OR51B5: variants seen among roughly 807,000 people sequenced by gnomAD.
The protein encoded by OR51B5 is olfactory receptor family 51 subfamily B member 5, also known as olfactory receptor 51B5.
For missense variants in OR51B5, 456 were observed against 374.6 expected, an observed-to-expected ratio of 1.22 and a Z score of -1.79; for synonymous variants, 186 against 144.8, an observed-to-expected ratio of 1.28 and a Z score of -2.04.
intron 1 of OR51B5, among the ~76,000 whole-genome samples, chr11:5,497,877 C>CTTTGACACTCACAGTTCA (rs1851671828): frequency 6.6e-6 from 1 of 152,180 alleles, no homozygotes; most frequent in African/African-American, 2.4e-5. Context: ...TCTCCAGGAG[C>CTTTGACACTCACAGTTCA]ATAGGTATGA....
chr11:5,499,910 C>A (rs1050160825), intron 1 of OR51B5, among the ~76,000 whole-genome samples: 2 of 152,176 alleles, frequency 1.3e-5, no homozygotes, highest in Admixed American at 1.3e-4. Context: ...CTAGGACTCC[C>A]GTGGTCCTGA....
intron 1 of OR51B5, among the ~76,000 whole-genome samples, chr11:5,460,067 A>T (rs1421624530): frequency 6.6e-6 from 1 of 152,234 alleles, no homozygotes; most frequent in East Asian, 1.9e-4. Context: ...AGCCATAAAA[A>T]ATAAGATCAT....
chr11:5,350,065 A>G (rs1346169912), intron 1 of OR51B5, among the ~76,000 whole-genome samples: 1 of 152,242 alleles, frequency 6.6e-6, no homozygotes, highest in East Asian at 1.9e-4. Flanking sequence ...TAATCCTGAC[A>G]TGTACTCACT....
intron 1 of OR51B5, among the ~76,000 whole-genome samples, chr11:5,388,734 T>C (rs1287796263): frequency 2.0e-5 from 3 of 152,018 alleles, no homozygotes; most frequent in Non-Finnish European, 4.4e-5. Context: ...TGCTATATAG[T>C]AGTCAACTGA....
intron 1 of OR51B5, among the ~76,000 whole-genome samples, chr11:5,493,207 T>C (rs1022250668): frequency 9.9e-5 from 15 of 152,162 alleles, no homozygotes; most frequent in African/African-American, 3.4e-4. Context: ...AATGAAGATA[T>C]GTATAATTAG....
intron 1 of OR51B5, among the ~76,000 whole-genome samples, chr11:5,411,087 T>C (rs575274055): frequency 1.3e-5 from 2 of 152,324 alleles, no homozygotes; most frequent in Admixed American, 1.3e-4. Context: ...AAGTCCATAA[T>C]AGCAAACAGT....
intron 1 of OR51B5, among the ~76,000 whole-genome samples, chr11:5,358,849 C>A (rs1849235173): frequency 6.6e-6 from 1 of 152,056 alleles, no homozygotes; most frequent in Non-Finnish European, 1.5e-5. Context: ...ATATGCAAAT[C>A]AATAAATGTA....
At chr11:5,412,742 G>T (rs2133751625) in intron 1 of OR51B5, among the ~76,000 whole-genome samples, 1 of 152,146 alleles carries the variant, frequency 6.6e-6, no homozygotes, top group African/African-American at 2.4e-5. Flanking sequence ...CTGGGGGAGG[G>T]GCACCCGCCA....
At chr11:5,460,533 C>A (rs1438694387) in intron 1 of OR51B5, among the ~76,000 whole-genome samples, 1 of 152,152 alleles carries the variant, frequency 6.6e-6, no homozygotes, top group Non-Finnish European at 1.5e-5. Context: ...TCTTCAGTAT[C>A]TCATTGAGCT....
chr11:5,441,215 C>A, intron 1 of OR51B5: 1 of 1,613,954 alleles, frequency 6.2e-7, no homozygotes, highest in Non-Finnish European at 8.5e-7. Flanking sequence ...ACATCTGGAC[C>A]AGGCAAGCAT....
chr11:5,446,127 A>G (rs1850759184), intron 1 of OR51B5, among the ~76,000 whole-genome samples: 1 of 152,138 alleles, frequency 6.6e-6, no homozygotes, highest in Non-Finnish European at 1.5e-5. Context: ...GAGTGGAGGG[A>G]TAGCATTAGG....
rs747190967 is a variant in OR51B5 at position 5,343,299 on chromosome 11, T to C, written c.226A>G (p.Met76Val). 10 of 1,611,954 alleles carry C rather than the reference T, an allele frequency of 6.2e-6. No homozygotes were observed. The highest frequency in any genetic ancestry group is 3.3e-5 in the South Asian group (3 of 90,676). ...CAGAGGACTCCCAGCACCGTGGGCA[T>C]TGTGGTCAGGGCCAGCCCCAGGTCT... is the stretch of plus-strand genomic sequence containing the variant. Residue 76 changes from methionine to valine, a missense_variant, in exon 1 of 1, where the codon ATG becomes GTG. By Grantham distance (21) the Met-to-Val change is conservative (BLOSUM62 1). Coordinates refer to ENST00000300773, the Ensembl canonical transcript of OR51B5.
intron 1 of OR51B5, chr11:5,468,754 G>C: frequency 8.8e-6 from 4 of 456,574 alleles, no homozygotes; most frequent in Non-Finnish European, 1.8e-5. Flanking sequence ...AATGTAGAAT[G>C]AGCACATAGG....
chr11:5,486,414 T>C (rs993484196), intron 1 of OR51B5, among the ~76,000 whole-genome samples: 1 of 11,302 alleles, frequency 8.8e-5, no homozygotes, highest in Non-Finnish European at 2.9e-4. Context: ...GTCCATGGTA[T>C]GTGCCGCTAA....
intron 1 of OR51B5, among the ~76,000 whole-genome samples, chr11:5,424,537 G>A (rs1356119419): frequency 1.3e-5 from 2 of 152,036 alleles, no homozygotes; most frequent in African/African-American, 2.4e-5. Flanking sequence ...TACACAGGTA[G>A]GCATTATTCA....
At chr11:5,428,446 A>G (rs748664105) in intron 1 of OR51B5, among the ~76,000 whole-genome samples, 10 of 152,244 alleles carry the variant, frequency 6.6e-5, no homozygotes, top group Non-Finnish European at 1.5e-4. Context: ...AAGATGGCGC[A>G]GATAGACTTG....
chr11:5,349,459 A>C (rs1301897295), intron 1 of OR51B5, among the ~76,000 whole-genome samples: 1 of 152,060 alleles, frequency 6.6e-6, no homozygotes, highest in Non-Finnish European at 1.5e-5. Flanking sequence ...AACACAATTA[A>C]CTAGATTAAT....
intron 1 of OR51B5, chr11:5,422,664 T>A: frequency 6.2e-7 from 1 of 1,614,094 alleles, no homozygotes. Flanking sequence ...TGCTGCTGTG[T>A]TCTGGCGGTT....
At chr11:5,363,232 ACCC>A in intron 1 of OR51B5, among the ~76,000 whole-genome samples, 2 of 78,970 alleles carry the variant, frequency 2.5e-5, no homozygotes, top group African/African-American at 1.2e-4. Flanking sequence ...AACGAACCCA[ACCC>A]CTCACACACA....
Sources: allele counts gnomAD v4.1 joint callset (sites outside exome capture counted in the v4.1 genomes callset), GRCh38; gene constraint gnomAD v4.1.1; transcripts MANE v1.5; gene names NCBI Gene and HGNC (gene_info 2026-07-23, HGNC 2026-07-21).